The following RGS5 variants were observed in gnomAD, a reference collection of about 807,000 sequenced individuals.
RGS5 encodes the protein regulator of G-protein signalling 5.
In RGS5, 20 loss-of-function variants were observed where a neutral mutation model predicts 18.9. The observed-to-expected ratio is 1.06, with a 90% CI of 0.74 to 1.54. RGS5 has a LOEUF of 1.54. RGS5 is among the 40% of genes most tolerant of loss of function. RGS5 has a pLI of 0.00. For missense variants in RGS5, 201 were observed against 211.8 expected (o/e 0.95, Z 0.32); for synonymous variants, 57 against 76.2 (o/e 0.75, Z 1.31).
At chr1:163,203,639 C>T (rs1404674636), upstream of RGS5, among the ~76,000 whole-genome samples, 1 of 152,152 alleles carries the variant, frequency 6.6e-6, no homozygotes, top group African/African-American at 2.4e-5. Context: ...GGAGACCAAA[C>T]ACCAAAATCT....
intron 2 of RGS5, among the ~76,000 whole-genome samples, chr1:163,281,630 G>A (rs1276178072): frequency 6.6e-6 from 1 of 152,150 alleles, no homozygotes; most frequent in Non-Finnish European, 1.5e-5. Flanking sequence ...TGGGGATCAT[G>A]TTTCAACATG....
intron 2 of RGS5, among the ~76,000 whole-genome samples, chr1:163,271,501 T>C (rs1648716628): frequency 6.6e-6 from 1 of 152,194 alleles, no homozygotes; most frequent in Non-Finnish European, 1.5e-5. Flanking sequence ...TCTGCTGGCA[T>C]CCTGATCTTG....
upstream of RGS5, among the ~76,000 whole-genome samples, chr1:163,218,288 T>C (rs1274918543): frequency 6.6e-6 from 1 of 152,180 alleles, no homozygotes; most frequent in African/African-American, 2.4e-5. Context: ...TTCCTATAAT[T>C]ATAAATATAG....
At chr1:163,309,902 C>T (rs1451540253) in intron 1 of RGS5, among the ~76,000 whole-genome samples, 1 of 152,130 alleles carries the variant, frequency 6.6e-6, no homozygotes, top group Non-Finnish European at 1.5e-5. Flanking sequence ...CCATGGGCTG[C>T]AGAACAGATG....
intron 2 of RGS5, among the ~76,000 whole-genome samples, chr1:163,241,780 TA>T (rs558302066): frequency 1.5e-3 from 235 of 152,184 alleles, no homozygotes; most frequent in African/African-American, 5.3e-3. Context: ...AAAAATAAGA[TA>T]AAAATATTTA....
At chr1:163,198,383 G>A (rs1374033337) in intron 1 of RGS5, among the ~76,000 whole-genome samples, 2 of 152,068 alleles carry the variant, frequency 1.3e-5, no homozygotes, top group East Asian at 3.9e-4. Context: ...GTAGCAAAGG[G>A]CTTGTAGCTC....
intron 2 of RGS5, among the ~76,000 whole-genome samples, chr1:163,233,352 G>T (rs1210985110): frequency 6.6e-6 from 1 of 152,198 alleles, no homozygotes; most frequent in Non-Finnish European, 1.5e-5. Context: ...TGTAATAAAA[G>T]ATGTTTTAAA....
chr1:163,288,827 G>A (rs1028625035), intron 2 of RGS5, among the ~76,000 whole-genome samples: 1 of 152,090 alleles, frequency 6.6e-6, no homozygotes, highest in Non-Finnish European at 1.5e-5. Context: ...GGAATTTATT[G>A]TTTTATTACA....
intron 2 of RGS5, among the ~76,000 whole-genome samples, chr1:163,265,571 A>G (rs1345301566): frequency 2.0e-5 from 3 of 152,086 alleles, no homozygotes; most frequent in Non-Finnish European, 4.4e-5. Flanking sequence ...AACCTTCTCT[A>G]ACTAAACCCC....
intron 2 of RGS5, among the ~76,000 whole-genome samples, chr1:163,266,346 T>C (rs1478844555): frequency 1.3e-5 from 2 of 152,116 alleles, no homozygotes; most frequent in East Asian, 3.9e-4. Context: ...GGCCTCATCA[T>C]CTCTTTTTTG....
chr1:163,295,822 C>G (rs1208080456), intron 2 of RGS5, among the ~76,000 whole-genome samples: 1 of 152,154 alleles, frequency 6.6e-6, no homozygotes, highest in Non-Finnish European at 1.5e-5. Flanking sequence ...GGCTTTGAAG[C>G]CTTAATTTCT....
chr1:163,301,404 C>G (rs979684585), intron 2 of RGS5, among the ~76,000 whole-genome samples: 1 of 152,014 alleles, frequency 6.6e-6, no homozygotes, highest in African/African-American at 2.4e-5. Context: ...ACCATCTTAG[C>G]TCACTGCAGC....
At chr1:163,301,821 A>G (rs915523876) in intron 2 of RGS5, among the ~76,000 whole-genome samples, 4 of 152,214 alleles carry the variant, frequency 2.6e-5, no homozygotes, top group Non-Finnish European at 4.4e-5. Flanking sequence ...ATAATTAAAT[A>G]GAAATTCTTG....
At chr1:163,203,084 A>C, upstream of RGS5, 1 of 468,014 alleles carries the variant, frequency 2.1e-6, no homozygotes, top group African/African-American at 2.0e-5. Context: ...CTGTGGCATA[A>C]GGCTTTCATC....
intron 1 of RGS5, among the ~76,000 whole-genome samples, chr1:163,307,928 C>A (rs1649748782): frequency 6.6e-6 from 1 of 152,150 alleles, no homozygotes; most frequent in Admixed American, 6.5e-5. Flanking sequence ...TGAGCAGTAA[C>A]TGGCAGAAAT....
chr1:163,227,132 G>A (rs1647356792), intron 2 of RGS5, among the ~76,000 whole-genome samples: 1 of 152,186 alleles, frequency 6.6e-6, no homozygotes, highest in Admixed American at 6.5e-5. Flanking sequence ...TCATCAGAGT[G>A]ATCATGTTAA....
upstream of RGS5, among the ~76,000 whole-genome samples, chr1:163,219,527 T>A (rs1660291159): frequency 1.3e-5 from 2 of 152,188 alleles, no homozygotes; most frequent in African/African-American, 4.8e-5. Context: ...AAACCATTTT[T>A]ATAAAATGGT....
rs1449787847 is a variant in RGS5, at chr1:163,146,660, G to A, written c.*682C>T. The A allele has an allele frequency of 1.3e-5, 2 of 152,154 alleles. No homozygotes were observed. Among genetic ancestry groups the A allele is most frequent in the African/African-American group, 4.8e-5 (2 of 41,440 alleles). 9.4% of individuals were successfully genotyped at this position (152,154 alleles called of 1,614,324 possible). Reference sequence around the variant, plus strand: ...AATTTGGTGACTATGGGCAGGTGGAGGGGGCCAGTGAGGAAGGTATAAAAG... The same window carrying A: ...AATTTGGTGACTATGGGCAGGTGGAAGGGGCCAGTGAGGAAGGTATAAAAG... On this transcript the variant is annotated 3_prime_UTR_variant, in exon 5 of 5. Coordinates refer to ENST00000313961, the MANE Select transcript of RGS5 (RefSeq NM_003617.4).
chr1:163,183,624 C>T (rs902860959), intron 1 of RGS5, among the ~76,000 whole-genome samples: 1 of 152,148 alleles, frequency 6.6e-6, no homozygotes, highest in African/African-American at 2.4e-5. Flanking sequence ...TTGATAATAT[C>T]TACCTTGGAA....
Sources: allele counts gnomAD v4.1 joint callset (sites outside exome capture counted in the v4.1 genomes callset), GRCh38; gene constraint gnomAD v4.1.1; transcripts MANE v1.5; gene names NCBI Gene and HGNC (gene_info 2026-07-23, HGNC 2026-07-21).